The following SORL1 variants were observed in gnomAD, a reference collection of about 807,000 sequenced individuals.
SORL1 encodes the protein sortilin related receptor 1.
SORL1 carries 127 observed loss-of-function variants against 273.7 expected under a neutral mutation model. The ratio of observed to expected loss-of-function variants is 0.46; its 90% CI spans 0.40 to 0.54. The LOEUF (loss-of-function observed/expected upper bound fraction) is 0.54, where lower values mean the gene tolerates loss of function less well. SORL1 is among the 20% of genes least tolerant of loss of function. The pLI is 0.00. For synonymous variants in SORL1, 1,031 were observed against 1,067.4 expected (o/e 0.97, Z 0.66); for missense variants, 2,494 against 2,846.1 (o/e 0.88, Z 2.81).
chr11:121,580,967 C>T (rs1863006669), intron 25 of SORL1, among the ~76,000 whole-genome samples: 1 of 145,016 alleles, frequency 6.9e-6, no homozygotes, highest in Non-Finnish European at 1.5e-5. Context: ...GGCTAGAGTA[C>T]AGTGGTGCGA....
At chr11:121,562,958 T>C (rs367559626) in intron 21 of SORL1, among the ~76,000 whole-genome samples, 55 of 152,220 alleles carry the variant, frequency 3.6e-4, no homozygotes, top group African/African-American at 1.2e-3. Flanking sequence ...TAACCAAGTG[T>C]TAAATAATAA....
At position 121,627,506 on chromosome 11, in the gene SORL1, G is replaced by C. The variant is rs1413199984; in HGVS notation, c.6365-49G>C. The C allele has an allele frequency of 6.6e-7, 1 of 1,522,514 alleles. No homozygotes were observed. The allele number at this position is 1,522,514 out of a possible 1,614,324, so 94.3% of individuals were successfully genotyped here. ...GGGGCCTTGAGGAGTCATCTGGTCT[G>C]TTCTCCTGCCCTCAGGTGGGCTTAT... On this transcript the variant is annotated intron_variant, in intron 46 of 47. Coordinates refer to ENST00000260197, the MANE Select transcript of SORL1 (RefSeq NM_003105.6). This position sits in a 1 kb window ranked among gnomAD's most constrained non-coding sequence, Gnocchi z 4.9.
At chr11:121,478,390 C>A in intron 3 of SORL1, 147 bp downstream of exon 3, 1 of 910,032 alleles carries the variant, frequency 1.1e-6, no homozygotes, top group Non-Finnish European at 1.6e-6. Flanking sequence ...CTAACCTGGG[C>A]ATTTGTGACA....
At chr11:121,476,234 T>C (rs2134790361) in intron 2 of SORL1, among the ~76,000 whole-genome samples, 1 of 152,320 alleles carries the variant, frequency 6.6e-6, no homozygotes, top group East Asian at 1.9e-4. Context: ...AGAATAGAAG[T>C]GAGAAAGTGC....
intron 21 of SORL1, chr11:121,566,727 T>G (rs1862759552): frequency 2.0e-6 from 1 of 495,136 alleles, no homozygotes; most frequent in East Asian, 3.4e-5. Context: ...TCTGGGGCAG[T>G]CTGATCTGGC....
At chr11:121,581,424 A>G (rs1435535235) in intron 25 of SORL1, among the ~76,000 whole-genome samples, 1 of 152,204 alleles carries the variant, frequency 6.6e-6, no homozygotes, top group East Asian at 1.9e-4. Context: ...GATTTCCACG[A>G]TTGTTTACCA....
At chr11:121,567,601 G>C (rs1455724416) in intron 22 of SORL1, among the ~76,000 whole-genome samples, 2 of 152,208 alleles carry the variant, frequency 1.3e-5, no homozygotes, top group African/African-American at 4.8e-5. Flanking sequence ...TGAACTTTCA[G>C]ACCAATGTTT....
At chr11:121,559,172 C>G (rs563651096) in intron 20 of SORL1, among the ~76,000 whole-genome samples, 1 of 152,252 alleles carries the variant, frequency 6.6e-6, no homozygotes, top group Non-Finnish European at 1.5e-5. Flanking sequence ...TGATGACTTC[C>G]GGTGAGCTCT....
chr11:121,627,199 C>A lies in SORL1; in HGVS notation c.6365-356C>A. Reference sequence around the variant, plus strand: ...GTTAATTAGTGGTCTGATTTCACATCCTCTTATGTAAGGCAAGCAAGTGGT... The same window carrying A: ...GTTAATTAGTGGTCTGATTTCACATACTCTTATGTAAGGCAAGCAAGTGGT... On this transcript the variant is annotated intron_variant, in intron 46 of 47. Transcript: ENST00000260197. The surrounding 1 kb of genome is among the most constrained non-coding windows in gnomAD (Gnocchi z 4.9). 1 of 232,126 alleles carries A rather than the reference C, an allele frequency of 4.3e-6. No homozygotes were observed. Among genetic ancestry groups the A allele is most frequent in the Non-Finnish European group, 8.6e-6 (1 of 116,144 alleles). The allele number at this position is 232,126 out of a possible 1,614,324, so 14.4% of individuals were successfully genotyped here.
intron 3 of SORL1, among the ~76,000 whole-genome samples, chr11:121,481,893 TC>T (rs1279816561): frequency 1.4e-5 from 2 of 147,042 alleles, no homozygotes; most frequent in African/African-American, 5.1e-5. Flanking sequence ...CATCTCCTCC[TC>T]CCCAGCTCCT....
chr11:121,579,336 C>T (rs957422865), intron 25 of SORL1, among the ~76,000 whole-genome samples: 1 of 152,168 alleles, frequency 6.6e-6, no homozygotes, highest in Non-Finnish European at 1.5e-5. Flanking sequence ...TGGCATGACA[C>T]CTCATTTTCA....
intron 5 of SORL1, among the ~76,000 whole-genome samples, chr11:121,492,337 T>C (rs634046): frequency 1 from 151,458 of 152,202 alleles, 75,365 homozygotes; most frequent in Middle Eastern, 1. Flanking sequence ...CTCCAGCCTG[T>C]GCGACAGACC....
rs1163590928 is a variant in SORL1, at chr11:121,559,535, A to G, written c.2927A>G (p.Asp976Gly). The G allele has an allele frequency of 6.2e-7, 1 of 1,613,588 alleles. No individual in the cohort carries two copies. Among genetic ancestry groups the G allele is most frequent in the Non-Finnish European group, 8.5e-7 (1 of 1,179,874 alleles). The change falls in exon 21 of 48, where the codon GAT (aspartate) becomes GGT (glycine). Residue 976 changes from aspartate (D) to glycine (G), a missense_variant. Coordinates refer to ENST00000260197, the MANE Select transcript of SORL1 (RefSeq NM_003105.6). The stretch of plus-strand genomic sequence containing the variant: ...TCTTTTTAGAATGAAATCTACTGGG[A>G]TGACTGGTCACAGCTCAGCATATTC... ...IAVFKNEIYWDDWSQLSIFRA... is the reference protein window; with the variant it reads ...IAVFKNEIYWGDWSQLSIFRA...
Position 121,605,140 on chromosome 11 carries a change from A to G in SORL1, c.4679A>G (p.Asn1560Ser), listed in dbSNP as rs775519005. The G allele has an allele frequency of 1.2e-6, 2 of 1,613,262 alleles. No individual in the cohort carries two copies. The highest frequency in any genetic ancestry group is 1.7e-6 in the Non-Finnish European group (2 of 1,179,424). Residue 1560 changes from asparagine (N) to serine (S), a missense_variant, in exon 34 of 48, where the codon AAT becomes AGT. By Grantham distance (46) the Asn-to-Ser change is conservative. Around this residue, in one of 3 missense-constraint regions of SORL1, gnomAD observed 1,609 missense variants for 1,816.4 expected, o/e 0.89. Coordinates refer to ENST00000260197, the MANE Select transcript of SORL1 (RefSeq NM_003105.6). ...SDELTVYKVQ[N>S]LQWTADFSGD... The stretch of plus-strand genomic sequence containing the variant: ...GAGTTGACTGTGTACAAAGTACAGA[A>G]TCTTCAGTGGACAGCTGACTTCTCT...
At chr11:121,610,936 G>A (rs1591352632) in intron 38 of SORL1, 140 bp from the exon 39 acceptor site, 6 of 608,786 alleles carry the variant, frequency 9.9e-6, no homozygotes, top group Admixed American at 2.8e-5. Context: ...AAAAAAGATC[G>A]ATGAGGAACA....
At chr11:121,506,962 T>C (rs1861797513) in intron 6 of SORL1, among the ~76,000 whole-genome samples, 1 of 152,178 alleles carries the variant, frequency 6.6e-6, no homozygotes, top group African/African-American at 2.4e-5. Flanking sequence ...TTTCACTAAA[T>C]TTTTCCCAGG....
intron 11 of SORL1, among the ~76,000 whole-genome samples, chr11:121,527,208 T>TTA (rs397760136): frequency 3.0e-4 from 45 of 151,846 alleles, no homozygotes; most frequent in African/African-American, 1.1e-3. Context: ...TTTTTTTTTT[T>TTA]ATCATAATCA....
At position 121,625,262 on chromosome 11, in the gene SORL1, G is replaced by A. The variant is rs144806633; in HGVS notation, c.6349G>A (p.Asp2117Asn). 16 of 1,612,854 alleles carry A rather than the reference G, an allele frequency of 9.9e-6. No homozygotes were observed. Among genetic ancestry groups the A allele is most frequent in the East Asian group, 2.2e-5 (1 of 44,800 alleles). Residue 2117 changes from aspartate (D) to asparagine (N), a missense_variant, in exon 46 of 48, where the codon GAT becomes AAT. This residue lies in a region of SORL1 where 1,609 missense variants were observed against 1,816.4 expected (regional missense o/e 0.89). Coordinates refer to ENST00000260197, the MANE Select transcript of SORL1 (RefSeq NM_003105.6). ...TGGGGAGCCTGCCATCCTGCTGTACGATGAGCTGGGGTCTGGTGAGTTGCG... is the reference window on the plus strand; with the variant it reads ...TGGGGAGCCTGCCATCCTGCTGTACAATGAGCTGGGGTCTGGTGAGTTGCG... ...ICGEPAILLY[D>N]ELGSGADASA... is the part of the protein sequence containing the mutation.
At chr11:121,458,594 G>C (rs1307969140) in intron 1 of SORL1, among the ~76,000 whole-genome samples, 1 of 152,164 alleles carries the variant, frequency 6.6e-6, no homozygotes, top group Non-Finnish European at 1.5e-5. Context: ...GACACTGTTG[G>C]CAGATGGTAT....
Sources: allele counts gnomAD v4.1 joint callset (sites outside exome capture counted in the v4.1 genomes callset), GRCh38; gene constraint gnomAD v4.1.1; regional missense constraint gnomAD v4.1.1; non-coding constraint Gnocchi (gnomAD v3.1); transcripts MANE v1.5; gene names NCBI Gene and HGNC (gene_info 2026-07-23, HGNC 2026-07-21).